Variants in BLTP1 observed in about 807,000 individuals in gnomAD.
The protein encoded by BLTP1 is bridge-like lipid transfer protein family member 1, also known as fragile site-associated protein.
chr4:122,331,273 T>C, the BLTP1 span: 1 of 1,532,208 alleles, frequency 6.5e-7, no homozygotes, highest in South Asian at 1.3e-5. Flanking sequence ...AATAGTTTGT[T>C]AAAAAGAACT....
chr4:122,156,270 G>A, the BLTP1 span, among the ~76,000 whole-genome samples: 31 of 152,114 alleles, frequency 2.0e-4, no homozygotes, highest in Non-Finnish European at 2.8e-4. Context: ...TAAAAGCAAC[G>A]GCAATGGATG....
chr4:122,239,774 A>G, the BLTP1 span: 1 of 1,614,200 alleles, frequency 6.2e-7, no homozygotes, highest in Non-Finnish European at 8.5e-7. Context: ...GTTTTGGTTC[A>G]TTCCCATATA....
At chr4:122,246,751 T>A in the BLTP1 span, 1 of 1,613,166 alleles carries the variant, frequency 6.2e-7, no homozygotes, top group South Asian at 1.1e-5. Flanking sequence ...GGAGTGTGAC[T>A]CATGTTTCCC....
the BLTP1 span, among the ~76,000 whole-genome samples, chr4:122,274,986 C>CA: frequency 6.6e-6 from 1 of 151,526 alleles, no homozygotes; most frequent in African/African-American, 2.4e-5. Context: ...ATCAGCAACT[C>CA]AGACAGGGCC....
chr4:122,289,083 G>T, the BLTP1 span: 2 of 1,605,210 alleles, frequency 1.2e-6, no homozygotes, highest in South Asian at 1.1e-5. Context: ...ATTTTGTCTG[G>T]CAGGTTGGTT....
At chr4:122,336,485 A>G in the BLTP1 span, 8 of 775,566 alleles carry the variant, frequency 1.0e-5, no homozygotes, top group Admixed American at 7.2e-5. Context: ...TATAAACTGT[A>G]AAAGAACTTG....
the BLTP1 span, chr4:122,187,817 T>G: frequency 4.9e-6 from 7 of 1,421,046 alleles, 1 homozygote; most frequent in South Asian, 8.4e-5. Context: ...ATGTTTGTTA[T>G]TAGTTTAGCT....
At chr4:122,234,293 A>T in the BLTP1 span, 3 of 282,990 alleles carry the variant, frequency 1.1e-5, no homozygotes, top group Non-Finnish European at 1.6e-5. Flanking sequence ...TTGAGAAATA[A>T]TTTCTTAGTT....
At chr4:122,200,359 C>G in the BLTP1 span, 1 of 808,708 alleles carries the variant, frequency 1.2e-6, no homozygotes, top group Non-Finnish European at 1.5e-6. Flanking sequence ...AGGCGGATCA[C>G]TTGAGGTCAG....
At chr4:122,188,218 A>G in the BLTP1 span, 4 of 1,114,614 alleles carry the variant, frequency 3.6e-6, no homozygotes, top group Admixed American at 4.2e-5. Context: ...CTATTAAAGC[A>G]GTTAACAATG....
At chr4:122,210,750 A>G in the BLTP1 span, 2 of 1,096,862 alleles carry the variant, frequency 1.8e-6, no homozygotes, top group South Asian at 1.8e-5. Flanking sequence ...TTCATTATAT[A>G]TACATTATGT....
chr4:122,191,270 A>T, the BLTP1 span, among the ~76,000 whole-genome samples: 24 of 147,294 alleles, frequency 1.6e-4, no homozygotes, highest in East Asian at 4.1e-3. Context: ...CACTAATTGC[A>T]TTTTTTTTTT....
At chr4:122,264,276 T>C in the BLTP1 span, 2 of 1,606,140 alleles carry the variant, frequency 1.2e-6, no homozygotes, top group Non-Finnish European at 1.7e-6. Flanking sequence ...CTTCCAACAA[T>C]ACCCTCAGCC....
At chr4:122,235,634 T>C in the BLTP1 span, 1 of 200,286 alleles carries the variant, frequency 5.0e-6, no homozygotes, top group African/African-American at 2.4e-5. Flanking sequence ...TGAAACCCCA[T>C]CTCTGCTAAA....
the BLTP1 span, chr4:122,257,412 A>C: frequency 6.2e-7 from 1 of 1,614,050 alleles, no homozygotes; most frequent in Non-Finnish European, 8.5e-7. Context: ...GACCATGAAC[A>C]TGAAGATGGA....
the BLTP1 span, among the ~76,000 whole-genome samples, chr4:122,334,814 A>T: frequency 6.6e-6 from 1 of 152,100 alleles, no homozygotes; most frequent in Non-Finnish European, 1.5e-5. Flanking sequence ...ATATATAAAA[A>T]GAGTAGTTTT....
the BLTP1 span, chr4:122,235,458 T>A: frequency 1.0e-6 from 1 of 974,054 alleles, no homozygotes; most frequent in Non-Finnish European, 1.2e-6. Flanking sequence ...GCAGAATAGT[T>A]TCCTTATAGT....
the BLTP1 span, among the ~76,000 whole-genome samples, chr4:122,240,714 T>C: frequency 6.6e-6 from 1 of 152,206 alleles, no homozygotes; most frequent in Non-Finnish European, 1.5e-5. Flanking sequence ...TCATAACTCC[T>C]TCCATGCAAA....
At chr4:122,175,415 C>CA in the BLTP1 span, 1 of 326,774 alleles carries the variant, frequency 3.1e-6, no homozygotes, top group Non-Finnish European at 4.4e-6. Flanking sequence ...GTGCTAACAT[C>CA]CCTCTTTCAA....
Sources: allele counts gnomAD v4.1 joint callset (sites outside exome capture counted in the v4.1 genomes callset), GRCh38; gene constraint gnomAD v4.1.1; transcripts MANE v1.5; gene names NCBI Gene and HGNC (gene_info 2026-07-23, HGNC 2026-07-21).